Variants in PAXIP1 observed in about 807,000 individuals in gnomAD.
PAXIP1 encodes PAX-interacting protein 1.
A neutral mutation model predicts 140.6 loss-of-function variants in PAXIP1; 19 were observed. The observed-to-expected ratio is 0.14, with a 90% CI of 0.09 to 0.20. The LOEUF (loss-of-function observed/expected upper bound fraction) is 0.20, where lower values mean the gene tolerates loss of function less well. Ranked by LOEUF, PAXIP1 falls within the 10% of genes least tolerant of loss-of-function variation. The pLI is 1.00. For synonymous variants in PAXIP1, 442 were observed against 444.6 expected, an observed-to-expected ratio of 0.99 and a Z score of 0.07; for missense variants, 920 against 1,208.6, an observed-to-expected ratio of 0.76 and a Z score of 3.54.
chr7:154,944,779 T>TATCTG, intron 20 of PAXIP1: 1 of 152,204 alleles, frequency 6.6e-6, no homozygotes, highest in Non-Finnish European at 1.5e-5. Flanking sequence ...GCTTATAGCA[T>TATCTG]ATCTGTAAAA....
In PAXIP1 at chr7:154,946,086, T is replaced by TA. The variant is rs1807958895; in HGVS notation, c.3194+278dup. 1 of 974,374 alleles carries TA rather than the reference T, an allele frequency of 1.0e-6. No homozygotes were observed. Among genetic ancestry groups the TA allele is most frequent in the African/African-American group, 1.8e-5 (1 of 57,000 alleles). The allele number at this position is 974,374 out of a possible 1,614,324, so 60.4% of individuals were successfully genotyped here. ...TTTTGCAATTATTTTCTATTTTATC[T>TA]AATTGTCAAATTCTTTAATACCTCC... On this transcript the variant is annotated intron_variant, in intron 20 of 20. Coordinates refer to ENST00000404141, the MANE Select transcript of PAXIP1 (RefSeq NM_007349.4). This position sits in a 1 kb window ranked among gnomAD's most constrained non-coding sequence, Gnocchi z 4.9.
intron 6 of PAXIP1, chr7:154,974,017 A>T (rs1386632915): frequency 2.0e-5 from 3 of 152,538 alleles, no homozygotes; most frequent in Non-Finnish European, 4.4e-5. Context: ...TGCCCCACCT[A>T]CTACACATTC....
Position 154,962,303 on chromosome 7 carries a change from G to A in PAXIP1, c.2127+18C>T, listed in dbSNP as rs934471281. The A allele has an allele frequency of 8.1e-6, 13 of 1,611,082 alleles. No homozygotes were observed. The highest frequency in any genetic ancestry group is 1.6e-4 in the Middle Eastern group (1 of 6,064). On this transcript the variant is annotated intron_variant, in intron 10 of 20. Coordinates refer to ENST00000404141, the MANE Select transcript of PAXIP1 (RefSeq NM_007349.4). Reference sequence around the variant, plus strand: ...CGAAGGATGATTTAACAAATGGAACGCGAGGACTCTGTCTTACATGCTGTG... The same window carrying A: ...CGAAGGATGATTTAACAAATGGAACACGAGGACTCTGTCTTACATGCTGTG...
At chr7:154,959,754 G>A in intron 13 of PAXIP1, 136 bp downstream of exon 13, 1 of 648,518 alleles carries the variant, frequency 1.5e-6, no homozygotes, top group Admixed American at 2.7e-5. Context: ...ATCAGTCCTA[G>A]GATTTACTGG....
Position 155,002,863 on chromosome 7 carries a change from C to A in PAXIP1, c.67G>T (p.Asp23Tyr), listed in dbSNP as rs1327091866. The A allele has an allele frequency of 3.5e-6, 5 of 1,411,796 alleles. No homozygotes were observed. Among genetic ancestry groups the A allele is most frequent in the South Asian group, 1.4e-5 (1 of 72,642 alleles). The allele number at this position is 1,411,796 out of a possible 1,614,324, so 87.5% of individuals were successfully genotyped here. The change falls in exon 1 of 21, where the codon GAC becomes TAC. Residue 23 changes from aspartate to tyrosine, a missense_variant. By Grantham distance (160) the Asp-to-Tyr change is radical. Around this residue, in one of 5 missense-constraint regions of PAXIP1, gnomAD observed 419 missense variants for 514.7 expected, o/e 0.81. Coordinates refer to ENST00000404141, the MANE Select transcript of PAXIP1 (RefSeq NM_007349.4). ...FREVKYYAVG[D>Y]IDPQVIQLLK... ...GGGCGCGGTACCTGCGGGTCGATGT[C>A]GCCCACCGCGTAATACTTGACCTCC...
chr7:154,999,570 G>A (rs1345241270), intron 1 of PAXIP1, among the ~76,000 whole-genome samples: 2 of 152,212 alleles, frequency 1.3e-5, no homozygotes, highest in African/African-American at 2.4e-5. Context: ...AGGAAGATGT[G>A]AGAGAATCGG....
At chr7:154,995,327 A>G (rs964778098) in intron 2 of PAXIP1, among the ~76,000 whole-genome samples, 1 of 152,202 alleles carries the variant, frequency 6.6e-6, no homozygotes, top group Non-Finnish European at 1.5e-5. Flanking sequence ...CACAGCATAC[A>G]CGCTGAATAT....
intron 4 of PAXIP1, among the ~76,000 whole-genome samples, chr7:154,990,330 C>T (rs952378677): frequency 1.2e-4 from 19 of 152,072 alleles, no homozygotes; most frequent in African/African-American, 4.6e-4. Flanking sequence ...CATGAGCCAC[C>T]ATGCCCGGCC....
intron 4 of PAXIP1, 197 bp from the exon 5 acceptor site, chr7:154,983,529 T>C (rs1024483337): frequency 4.6e-6 from 2 of 433,844 alleles, no homozygotes; most frequent in Admixed American, 9.0e-5. Context: ...ATAATAGTTT[T>C]ACATATATGA....
chr7:154,965,392 T>A (rs374987650), intron 8 of PAXIP1: 1 of 152,268 alleles, frequency 6.6e-6, no homozygotes, highest in African/African-American at 2.4e-5. Context: ...AGAGGTAATG[T>A]TTATTGTTTT....
rs375297128 is a variant in PAXIP1, at chr7:154,982,503, A to G, written c.438+716T>C. On this transcript the variant is annotated intron_variant, in intron 5 of 20. Coordinates refer to ENST00000404141, the MANE Select transcript of PAXIP1 (RefSeq NM_007349.4). Reference sequence around the variant, plus strand: ...GTAGCTGGGATTACAAGCACATGCCACCATGCCTGGCTAATTTTTGTATTT... The same window carrying G: ...GTAGCTGGGATTACAAGCACATGCCGCCATGCCTGGCTAATTTTTGTATTT... Among the ~76,000 whole-genome samples the G allele has an allele frequency of 8.4e-4, 128 of 152,298 alleles. No homozygotes were observed. In the East Asian group the frequency reaches 0.013, roughly 15 times the overall value.
chr7:154,957,014 A>G (rs762808511), intron 14 of PAXIP1: 133 of 399,274 alleles, frequency 3.3e-4, no homozygotes, highest in Non-Finnish European at 4.8e-4. Context: ...TGCCACTTAA[A>G]GAAAAAGACT....
chr7:155,001,600 C>G (rs2150793291), intron 1 of PAXIP1: 1 of 151,914 alleles, frequency 6.6e-6, no homozygotes, highest in South Asian at 2.1e-4. Context: ...CAGGTTCCAG[C>G]AATTCTCCTG....
intron 20 of PAXIP1, chr7:154,945,898 A>G (rs1428291535): frequency 1.0e-6 from 1 of 985,270 alleles, no homozygotes; most frequent in Non-Finnish European, 1.2e-6. Context: ...TGACCTTTGC[A>G]TTTTCCTGAC....
Position 154,963,846 on chromosome 7 carries a change from T to C in PAXIP1, c.1894-80A>G, listed in dbSNP as rs1808877717. 5 of 862,034 alleles carry C rather than the reference T, an allele frequency of 5.8e-6. No homozygotes were observed. Among genetic ancestry groups the C allele is most frequent in the Non-Finnish European group, 9.7e-6 (5 of 517,484 alleles). The allele number at this position is 862,034 out of a possible 1,614,324, so 53.4% of individuals were successfully genotyped here. On this transcript the variant is annotated intron_variant, in intron 8 of 20. Transcript: ENST00000404141. The surrounding 1 kb of genome is among the most constrained non-coding windows in gnomAD (Gnocchi z 4.1). ...TTCCAATTTCAAATAAGGCAGCTATTAAAAGACTCTATCATATATTTATAT... is the reference window on the plus strand; with the variant it reads ...TTCCAATTTCAAATAAGGCAGCTATCAAAAGACTCTATCATATATTTATAT...
At chr7:154,999,545 T>C (rs182439575) in intron 1 of PAXIP1, among the ~76,000 whole-genome samples, 16 of 152,294 alleles carry the variant, frequency 1.1e-4, no homozygotes, top group Admixed American at 1.0e-3. Context: ...AGTGATGTCC[T>C]GATGGGCAGA....
Position 154,966,654 on chromosome 7 carries a change from T to C in PAXIP1, c.1893+1162A>G, listed in dbSNP as rs1585053374. On this transcript the variant is annotated intron_variant, in intron 8 of 20. Coordinates refer to ENST00000404141, the MANE Select transcript of PAXIP1 (RefSeq NM_007349.4). ...GACTTTTAAAAAATCTCTGCTGCTG[T>C]CCTTCTCAGAACTGCTCCCTTCCTT... Among the ~76,000 whole-genome samples the C allele has an allele frequency of 3.3e-5, 5 of 152,346 alleles. 2 individuals are homozygous for C. In the South Asian group the frequency reaches 1.0e-3, roughly 32 times the overall value.
intron 4 of PAXIP1, among the ~76,000 whole-genome samples, chr7:154,985,122 G>A (rs377420835): frequency 2.1e-4 from 32 of 152,296 alleles, no homozygotes; most frequent in East Asian, 5.8e-4. Context: ...CTCCACCAGC[G>A]TAATTAAGAA....
intron 4 of PAXIP1, among the ~76,000 whole-genome samples, chr7:154,990,037 CTT>C (rs749788206): frequency 1.5e-3 from 160 of 109,916 alleles, no homozygotes; most frequent in South Asian, 6.7e-3. Context: ...ATAAGTTTCT[CTT>C]TTTTTTTTTT....
Sources: gnomAD v4.1 joint callset for allele counts (sites outside exome capture counted in the v4.1 genomes callset) on GRCh38, gnomAD v4.1.1 for gene constraint, gnomAD v4.1.1 regional missense constraint, Gnocchi (gnomAD v3.1) non-coding constraint, MANE v1.5 for transcripts, NCBI Gene and HGNC (gene_info 2026-07-23, HGNC 2026-07-21) for gene names.